NELL2: variants seen among roughly 807,000 people sequenced by gnomAD.
The protein encoded by NELL2 is protein kinase C-binding protein NELL2.
NELL2 carries 41 observed loss-of-function variants against 109.6 expected under a neutral mutation model. The ratio of observed to expected loss-of-function variants is 0.37; its 90% CI spans 0.29 to 0.49. NELL2 has a LOEUF of 0.49. NELL2 is among the 20% of genes least tolerant of loss of function. The pLI is 0.98. For missense variants in NELL2, 900 were observed against 1,008.3 expected, an observed-to-expected ratio of 0.89 and a Z score of 1.45; for synonymous variants, 355 against 344.7, an observed-to-expected ratio of 1.03 and a Z score of -0.33.
At chr12:44,635,707 T>C (rs1946613766) in intron 13 of NELL2, among the ~76,000 whole-genome samples, 1 of 152,216 alleles carries the variant, frequency 6.6e-6, no homozygotes, top group Non-Finnish European at 1.5e-5. Flanking sequence ...TAGTTTGAAG[T>C]CAGGTAGCAT....
In NELL2 at chr12:44,872,143, AC is replaced by A. The variant is rs549948295; in HGVS notation, c.184+3081del. ...TACTTCCTAGATTTTAGAAAGTAGA[AC>A]CCTTTATAACCTTTCATAGGTCTTT... is the stretch of plus-strand genomic sequence containing the variant. On this transcript the variant is annotated intron_variant, in intron 2 of 19. Transcript: ENST00000429094. Among the ~76,000 whole-genome samples the A allele has an allele frequency of 6.4e-4, 97 of 152,262 alleles. 1 individual carries two copies. The South Asian group carries it at 0.019, about 30-fold the overall frequency.
At chr12:44,600,179 T>TATTTATTG (rs1555183532) in intron 15 of NELL2, among the ~76,000 whole-genome samples, 2 of 137,922 alleles carry the variant, frequency 1.5e-5, no homozygotes, top group African/African-American at 5.7e-5. Flanking sequence ...TTTATTTATT[T>TATTTATTG]ATTGTATTTT....
At chr12:44,871,884 C>T (rs139957256) in intron 2 of NELL2, among the ~76,000 whole-genome samples, 2 of 152,124 alleles carry the variant, frequency 1.3e-5, no homozygotes, top group Non-Finnish European at 2.9e-5. Context: ...CACTTCTCTT[C>T]TATGGATTAA....
chr12:44,679,074 T>C (rs1948412527), intron 12 of NELL2, among the ~76,000 whole-genome samples: 1 of 152,086 alleles, frequency 6.6e-6, no homozygotes, highest in Non-Finnish European at 1.5e-5. Context: ...AATTGAAAAC[T>C]GAGTTTGAAG....
chr12:44,786,983 G>C (rs1386590685), intron 3 of NELL2, among the ~76,000 whole-genome samples: 2 of 152,042 alleles, frequency 1.3e-5, no homozygotes, highest in Non-Finnish European at 2.9e-5. Flanking sequence ...CATGGCACAT[G>C]TATACCTATG....
chr12:44,835,468 G>A (rs12230196), intron 2 of NELL2, among the ~76,000 whole-genome samples: 4 of 152,214 alleles, frequency 2.6e-5, no homozygotes, highest in Non-Finnish European at 5.9e-5. Context: ...GTCCACTCCA[G>A]AGAGAGGCAG....
At chr12:44,784,680 C>T (rs1332283950) in intron 3 of NELL2, among the ~76,000 whole-genome samples, 1 of 152,156 alleles carries the variant, frequency 6.6e-6, no homozygotes. Context: ...AGCTTATCCA[C>T]CACGATCAAG....
chr12:44,541,413 C>A (rs997587194), intron 15 of NELL2, among the ~76,000 whole-genome samples: 13 of 151,822 alleles, frequency 8.6e-5, no homozygotes, highest in Non-Finnish European at 1.9e-4. Context: ...ATAAAAAGTT[C>A]TTGAAAATTA....
intron 13 of NELL2, among the ~76,000 whole-genome samples, chr12:44,634,259 G>A (rs1029177160): frequency 2.0e-5 from 3 of 152,058 alleles, no homozygotes; most frequent in Non-Finnish European, 2.9e-5. Context: ...TGTCACGGTG[G>A]TTTGCTGCAC....
intron 15 of NELL2, among the ~76,000 whole-genome samples, chr12:44,582,156 CTT>C: frequency 6.6e-6 from 1 of 152,256 alleles, no homozygotes; most frequent in Non-Finnish European, 1.5e-5. Flanking sequence ...GCAGTTAAAA[CTT>C]GATGAGACAG....
intron 9 of NELL2, among the ~76,000 whole-genome samples, chr12:44,773,071 T>C (rs1053909425): frequency 1.3e-5 from 2 of 152,220 alleles, no homozygotes; most frequent in Non-Finnish European, 2.9e-5. Context: ...TCTCTCACAA[T>C]GGCCCGTTAT....
chr12:44,751,812 A>G (rs1940665209), intron 9 of NELL2, among the ~76,000 whole-genome samples: 1 of 152,206 alleles, frequency 6.6e-6, no homozygotes. Context: ...TTACAAAAAT[A>G]AGCTATTCTA....
At chr12:44,685,360 CTT>C (rs1948678072) in intron 12 of NELL2, among the ~76,000 whole-genome samples, 3 of 152,014 alleles carry the variant, frequency 2.0e-5, no homozygotes, top group Admixed American at 2.0e-4. Context: ...GGTCTTGACT[CTT>C]TATCCAATTT....
upstream of NELL2, among the ~76,000 whole-genome samples, chr12:44,880,148 GA>G (rs1945395442): frequency 6.7e-6 from 1 of 149,910 alleles, no homozygotes; most frequent in Non-Finnish European, 1.5e-5. Flanking sequence ...CACAGAGAGA[GA>G]GAGAGAGAAA....
At chr12:44,616,089 T>C (rs1236093246) in intron 13 of NELL2, among the ~76,000 whole-genome samples, 2 of 152,140 alleles carry the variant, frequency 1.3e-5, no homozygotes, top group Non-Finnish European at 2.9e-5. Flanking sequence ...ACACTGTGCA[T>C]TGTGCTGGAT....
At chr12:44,623,937 G>T (rs901104996) in intron 13 of NELL2, among the ~76,000 whole-genome samples, 2 of 152,052 alleles carry the variant, frequency 1.3e-5, no homozygotes, top group African/African-American at 4.8e-5. Context: ...GTTGAACAAT[G>T]AGAACACATG....
chr12:44,752,580 T>G (rs1192268473), intron 9 of NELL2, among the ~76,000 whole-genome samples: 1 of 152,182 alleles, frequency 6.6e-6, no homozygotes, highest in Non-Finnish European at 1.5e-5. Context: ...AATGACATTC[T>G]TAGGAGATAA....
At chr12:44,674,710 A>G (rs1433574123) in intron 12 of NELL2, among the ~76,000 whole-genome samples, 2 of 152,104 alleles carry the variant, frequency 1.3e-5, no homozygotes, top group Non-Finnish European at 2.9e-5. Flanking sequence ...ATCTTATGAG[A>G]GTTGGTAAAA....
intron 13 of NELL2, among the ~76,000 whole-genome samples, chr12:44,647,533 C>G (rs1256063855): frequency 6.6e-6 from 1 of 151,988 alleles, no homozygotes; most frequent in Non-Finnish European, 1.5e-5. Context: ...CAAAATCAAA[C>G]AGATTTAATT....
Sources: allele counts gnomAD v4.1 joint callset (sites outside exome capture counted in the v4.1 genomes callset), GRCh38; gene constraint gnomAD v4.1.1; transcripts MANE v1.5; gene names NCBI Gene and HGNC (gene_info 2026-07-23, HGNC 2026-07-21).